FBXL15: variants seen among roughly 807,000 people sequenced by gnomAD.
The protein encoded by FBXL15 is F-box/LRR-repeat protein 15.
FBXL15 carries 19 observed loss-of-function variants against 23.6 expected under a neutral mutation model. That is an observed-to-expected ratio of 0.81 (90% confidence interval 0.56 to 1.18). FBXL15 has a LOEUF of 1.18. FBXL15 is among the 50% of genes most tolerant of loss of function. The pLI, the probability that FBXL15 is intolerant of heterozygous loss-of-function variation, is 0.00. For missense variants in FBXL15, 385 were observed against 425.4 expected (o/e 0.91, Z 0.83); for synonymous variants, 224 against 207.7 (o/e 1.08, Z -0.67).
At chr10:102,421,658 G>T in intron 2 of FBXL15, 129 bp from the exon 3 acceptor site, 1 of 1,433,676 alleles carries the variant, frequency 7.0e-7, no homozygotes, top group South Asian at 1.4e-5. Context: ...ACTCGGTAGC[G>T]ACTCAGAGGG....
In FBXL15 at chr10:102,421,182, G is replaced by A. The variant is rs1193772873; in HGVS notation, c.53G>A (p.Arg18Lys). The change falls in exon 1 of 4, where the codon AGG (arginine) becomes AAG (lysine). Residue 18 changes from arginine to lysine, a missense_variant and splice_region_variant. Transcript: ENST00000369956. ...SGGEQEPGAV[R>K]FLDLPWEDVL... is the part of the protein sequence containing the mutation. The stretch of plus-strand genomic sequence containing the variant: ...GGGGAGCAAGAGCCCGGAGCCGTCA[G>A]GTACCGAGCACCGGAGGGGCCGAGA... 3 of 1,609,870 alleles carry A rather than the reference G, an allele frequency of 1.9e-6. No homozygotes were observed. Among genetic ancestry groups the A allele is most frequent in the South Asian group, 1.1e-5 (1 of 90,318 alleles).
At chr10:102,422,697 G>C (rs2061577411) in intron 3 of FBXL15, 107 bp from the exon 4 acceptor site, 1 of 1,233,580 alleles carries the variant, frequency 8.1e-7, no homozygotes, top group Non-Finnish European at 1.1e-6. Flanking sequence ...AGGGAGACCG[G>C]GATTTTGCCG....
In FBXL15 at chr10:102,422,173, C is replaced by G; in HGVS notation, c.594C>G (p.Leu198=). The G allele has an allele frequency of 1.3e-6, 2 of 1,545,186 alleles. No individual in the cohort carries two copies. Among genetic ancestry groups the G allele is most frequent in the Admixed American group, 3.9e-5 (2 of 50,712 alleles). The stretch of plus-strand genomic sequence containing the variant: ...GGCGCGGCGCTGGTCTCCGCAGCCT[C>G]TCTCTGGCCGTCAACGCCAACGTGG... ...AQRRGAGLRS[L]SLAVNANVGD... Residue 198 remains leucine, a synonymous_variant, in exon 3 of 4, where the codon CTC becomes CTG. Transcript: ENST00000369956.
chr10:102,421,767 G>T lies in FBXL15; in HGVS notation c.208-20G>T. The stretch of plus-strand genomic sequence containing the variant: ...GGAGTGCGGGACGGGCTGAGAGTTG[G>T]GGTGCCTCCCCGCCCGCAGGTGGGT... On this transcript the variant is annotated intron_variant, in intron 2 of 3. Coordinates refer to ENST00000369956, the MANE Select transcript of FBXL15 (RefSeq NM_024326.4). 6.5e-7 allele frequency: 1 copy of T among 1,535,150 alleles called. No homozygotes were observed.
Position 102,421,143 on chromosome 10 carries a change from T to C in FBXL15, c.14T>C (p.Met5Thr), listed in dbSNP as rs774387564. The C allele has an allele frequency of 1.9e-6, 3 of 1,611,082 alleles. No individual in the cohort carries two copies. In the South Asian group the frequency reaches 3.3e-5, roughly 18 times the overall value. Reference sequence around the variant, plus strand: ...AATAGACAGCCGATGGAGCCACCGATGGAGCCGTCCGGAGGGGAGCAAGAG... The same window carrying C: ...AATAGACAGCCGATGGAGCCACCGACGGAGCCGTCCGGAGGGGAGCAAGAG... MEPP[M>T]EPSGGEQEPG... Residue 5 changes from methionine to threonine, a missense_variant, in exon 1 of 4, where the codon ATG becomes ACG. Physicochemically the swap from Met to Thr is moderately conservative, Grantham distance 81. Coordinates refer to ENST00000369956, the MANE Select transcript of FBXL15 (RefSeq NM_024326.4).
In FBXL15 at chr10:102,423,007, CGGAGCACAGCTGGACT is replaced by C. The variant is rs2135469509; in HGVS notation, c.*16_*31del. On this transcript the variant is annotated 3_prime_UTR_variant, in exon 4 of 4. Transcript: ENST00000369956. This position sits in a 1 kb window ranked among gnomAD's most constrained non-coding sequence, Gnocchi z 5.6. ...CTGCAGGTCTGACCCGCCTGCCAAT[CGGAGCACAGCTGGACT>C]GTGTGGCTGGGGCCTGACACTGAGC... 2.0e-6 allele frequency: 3 copies of C among 1,530,882 alleles called. No individual in the cohort carries two copies. In the East Asian group the frequency reaches 7.3e-5, roughly 37 times the overall value. The allele number at this position is 1,530,882 out of a possible 1,614,324, so 94.8% of individuals were successfully genotyped here.
At position 102,422,134 on chromosome 10, in the gene FBXL15, G is replaced by C; in HGVS notation, c.555G>C (p.Val185=). The change falls in exon 3 of 4, where the codon GTG becomes GTC. Residue 185 remains valine, a synonymous_variant. Coordinates refer to ENST00000369956, the MANE Select transcript of FBXL15 (RefSeq NM_024326.4). ...ACRQLKDEAI[V]YLAQRRGAGL... is the part of the protein sequence containing the mutation. ...GCCAGCTCAAGGACGAGGCCATCGT[G>C]TACCTGGCGCAGAGGCGCGGCGCTG... The C allele has an allele frequency of 6.4e-7, 1 of 1,556,690 alleles. No homozygotes were observed. Among genetic ancestry groups the C allele is most frequent in the Non-Finnish European group, 8.7e-7 (1 of 1,151,004 alleles).
intron 3 of FBXL15, 66 bp from the exon 4 acceptor site, chr10:102,422,738 C>T (rs2061577742): frequency 2.7e-6 from 4 of 1,501,132 alleles, no homozygotes; most frequent in Non-Finnish European, 3.6e-6. Flanking sequence ...GAGCCCGGGC[C>T]TCCACCTTAC....
In FBXL15 at chr10:102,422,154, G is replaced by C. The variant is rs757684239; in HGVS notation, c.575G>C (p.Gly192Ala). 40 of 1,548,578 alleles carry C rather than the reference G, an allele frequency of 2.6e-5. No homozygotes were observed. Among genetic ancestry groups the C allele is most frequent in the Non-Finnish European group, 3.3e-5 (38 of 1,147,260 alleles). Residue 192 changes from glycine (G) to alanine (A), a missense_variant, in exon 3 of 4, where the codon GGC becomes GCC. Physicochemically the swap from Gly to Ala is moderately conservative, Grantham distance 60. Coordinates refer to ENST00000369956, the MANE Select transcript of FBXL15 (RefSeq NM_024326.4). ...ATCGTGTACCTGGCGCAGAGGCGCG[G>C]CGCTGGTCTCCGCAGCCTCTCTCTG... ...EAIVYLAQRRGAGLRSLSLAV... is the reference protein window; with the variant it reads ...EAIVYLAQRRAAGLRSLSLAV...
At position 102,421,779 on chromosome 10, in the gene FBXL15, G is replaced by A. The variant is rs944845825; in HGVS notation, c.208-8G>A. 1.3e-6 allele frequency: 2 copies of A among 1,541,390 alleles called. No homozygotes were observed. Among genetic ancestry groups the A allele is most frequent in the Non-Finnish European group, 8.7e-7 (1 of 1,149,112 alleles). On this transcript the variant is annotated splice_region_variant and splice_polypyrimidine_tract_variant and intron_variant, in intron 2 of 3. Transcript: ENST00000369956. The stretch of plus-strand genomic sequence containing the variant: ...GGGCTGAGAGTTGGGGTGCCTCCCC[G>A]CCCGCAGGTGGGTCCGCAGATCCCG...
At position 102,421,490 on chromosome 10, in the gene FBXL15, C is replaced by G. The variant is rs1305160082; in HGVS notation, c.190C>G (p.Arg64Gly). Residue 64 changes from arginine to glycine, a missense_variant, in exon 2 of 4, where the codon CGC becomes GGC. Arg to Gly is a moderately radical substitution (Grantham distance 125, BLOSUM62 -2). Around this residue, in one of 2 missense-constraint regions of FBXL15, gnomAD observed 130 missense variants for 95.1 expected, o/e 1.37. Coordinates refer to ENST00000369956, the MANE Select transcript of FBXL15 (RefSeq NM_024326.4). The stretch of plus-strand genomic sequence containing the variant: ...GCAGCTTCACCTGGCCGGGCTGCGT[C>G]GCTTCGATGCCGCGCAGGTGAGCCG... ...LVQLHLAGLR[R>G]FDAAQVGPQI... 1.4e-6 allele frequency: 2 copies of G among 1,480,254 alleles called. No individual in the cohort carries two copies. The highest frequency in any genetic ancestry group is 1.8e-6 in the Non-Finnish European group (2 of 1,117,276). The allele number at this position is 1,480,254 out of a possible 1,614,324, so 91.7% of individuals were successfully genotyped here.
rs756012666 is a variant in FBXL15, at chr10:102,422,016, C to A, written c.437C>A (p.Ser146Ter). 1 of 1,595,130 alleles carries A rather than the reference C, an allele frequency of 6.3e-7. No individual in the cohort carries two copies. Among genetic ancestry groups the A allele is most frequent in the East Asian group, 2.2e-5 (1 of 44,636 alleles). The change falls in exon 3 of 4, where the codon TCG becomes TAG. Residue 146 changes from serine to a stop codon, truncating the protein, a stop_gained. Coordinates refer to ENST00000369956, the MANE Select transcript of FBXL15 (RefSeq NM_024326.4). LOFTEE classifies it high-confidence loss of function. ...GGCTGCCCACGCCTGCAGCGCCTGT[C>A]GCTCGCGCACTGTGACTGGGTGGAC... Reference protein sequence around the residue: ...AEGCPRLQRLSLAHCDWVDGL... With the variant: ...AEGCPRLQRL
In FBXL15 at chr10:102,421,125, A is replaced by G. The variant is rs1264746318; in HGVS notation, c.-5A>G. ...ATCTTACTGCGCACGCGCAATAGACAGCCGATGGAGCCACCGATGGAGCCG... is the reference window on the plus strand; with the variant it reads ...ATCTTACTGCGCACGCGCAATAGACGGCCGATGGAGCCACCGATGGAGCCG... On this transcript the variant is annotated 5_prime_UTR_variant, in exon 1 of 4. Transcript: ENST00000369956. The G allele has an allele frequency of 6.2e-7, 1 of 1,608,382 alleles. No homozygotes were observed. Among genetic ancestry groups the G allele is most frequent in the African/African-American group, 1.3e-5 (1 of 74,970 alleles).
chr10:102,421,254 G>C, intron 1 of FBXL15, 72 bp downstream of exon 1: 2 of 1,577,728 alleles, frequency 1.3e-6, no homozygotes, highest in Non-Finnish European at 1.7e-6. Context: ...GCTGGGTCTG[G>C]GGGCCGCTCT....
At chr10:102,421,239 C>G (rs2135467264) in intron 1 of FBXL15, 57 bp downstream of exon 1, 1 of 1,586,622 alleles carries the variant, frequency 6.3e-7, no homozygotes, top group Non-Finnish European at 8.6e-7. Flanking sequence ...GGGAGCCGAG[C>G]CGGGGCTGGG....
At chr10:102,421,605 CGCCGGGGCT>C (rs2061564946) in intron 2 of FBXL15, 98 bp downstream of exon 2, 2 of 1,421,684 alleles carry the variant, frequency 1.4e-6, no homozygotes, top group African/African-American at 2.9e-5. Flanking sequence ...CCCCTTGGGC[CGCCGGGGCT>C]GCCCGGAAGG....
rs960629251 is a variant in FBXL15, at chr10:102,421,945, C to T, written c.366C>T (p.Gly122=). ...RNPQLRSVAL[G]GCGQLSRRAL... ...CGCAGCTGCGGAGTGTGGCGTTGGG[C>T]GGCTGCGGGCAACTGAGTCGCCGGG... The change falls in exon 3 of 4, where the codon GGC becomes GGT. Residue 122 remains glycine, a synonymous_variant. Transcript: ENST00000369956. The T allele has an allele frequency of 5.0e-6, 8 of 1,601,980 alleles. No homozygotes were observed. The highest frequency in any genetic ancestry group is 1.1e-5 in the South Asian group (1 of 90,460).
rs747811067 is a variant in FBXL15, at chr10:102,421,504, G to A, written c.204G>A (p.Ala68=). 2.0e-6 allele frequency: 3 copies of A among 1,468,208 alleles called. No individual in the cohort carries two copies. The highest frequency in any genetic ancestry group is 2.7e-6 in the Non-Finnish European group (3 of 1,111,762). The allele number at this position is 1,468,208 out of a possible 1,614,324, so 90.9% of individuals were successfully genotyped here. A position where few individuals can be genotyped will look rare whatever the true frequency, so the allele number is the denominator to read the frequency against. The part of the protein sequence containing the change: ...HLAGLRRFDA[A]QVGPQIPRAA... ...CCGGGCTGCGTCGCTTCGATGCCGCGCAGGTGAGCCGGGGGCTGAAGCCCC... is the reference window on the plus strand; with the variant it reads ...CCGGGCTGCGTCGCTTCGATGCCGCACAGGTGAGCCGGGGGCTGAAGCCCC... Residue 68 remains alanine, a synonymous_variant, in exon 2 of 4, where the codon GCG becomes GCA. Coordinates refer to ENST00000369956, the MANE Select transcript of FBXL15 (RefSeq NM_024326.4).
chr10:102,421,340 C>G lies in FBXL15; in HGVS notation c.54-14C>G, dbSNP rs373451457. ...GGCCCCGGGACGCCAGTGCCAACGC[C>G]CCTTTACTCGCAGGTTCCTGGACCT... On this transcript the variant is annotated splice_polypyrimidine_tract_variant and intron_variant, in intron 1 of 3. Transcript: ENST00000369956. The G allele has an allele frequency of 4.2e-5, 66 of 1,553,436 alleles. No individual in the cohort carries two copies. The Middle Eastern group carries it at 3.3e-3, about 77-fold the overall frequency.
Sources: gnomAD v4.1 joint callset for allele counts on GRCh38, gnomAD v4.1.1 for gene constraint, gnomAD v4.1.1 regional missense constraint, Gnocchi (gnomAD v3.1) non-coding constraint, MANE v1.5 for transcripts, NCBI Gene and HGNC (gene_info 2026-07-23, HGNC 2026-07-21) for gene names.